The following SH3GLB1 variants were observed in gnomAD, a reference collection of about 807,000 sequenced individuals.
SH3GLB1 encodes SH3 domain containing GRB2 like, endophilin B1, also known as endophilin-B1.
Under a neutral mutation model 42.0 loss-of-function variants are expected in SH3GLB1, and 17 were observed. That is an observed-to-expected ratio of 0.40 (90% CI 0.28 to 0.61). The LOEUF (loss-of-function observed/expected upper bound fraction) is 0.61. Among genes scored for constraint, SH3GLB1 ranks in the 20% least tolerant of loss-of-function variants. SH3GLB1 has a pLI of 0.36. For synonymous variants in SH3GLB1, 132 were observed against 146.6 expected (o/e 0.90, Z 0.72); for missense variants, 355 against 426.3 (o/e 0.83, Z 1.47).
chr1:86,712,432 A>G (rs1354429051), intron 1 of SH3GLB1, among the ~76,000 whole-genome samples: 1 of 152,226 alleles, frequency 6.6e-6, no homozygotes, highest in African/African-American at 2.4e-5. Flanking sequence ...ACTCAAACAG[A>G]TGTGAGATTG....
intron 5 of SH3GLB1, among the ~76,000 whole-genome samples, chr1:86,732,843 A>C (rs1385761887): frequency 2.0e-5 from 3 of 152,132 alleles, no homozygotes; most frequent in Admixed American, 2.0e-4. Flanking sequence ...ACCTAGAAAT[A>C]ATGTCAGTTA....
At position 86,744,539 on chromosome 1, in the gene SH3GLB1, G is replaced by A. The variant is rs1394312528; in HGVS notation, c.*1304G>A. 1 of 152,164 alleles carries A rather than the reference G, an allele frequency of 6.6e-6. No homozygotes were observed. The highest frequency in any genetic ancestry group is 2.4e-5 in the African/African-American group (1 of 41,430). The allele number at this position is 152,164 out of a possible 1,614,324, so 9.4% of individuals were successfully genotyped here. ...CAGTTTTGGGAGTGAGAGAGGGTCT[G>A]GGGAAGAACTGTTCCAGATAAAAAG... On this transcript the variant is annotated 3_prime_UTR_variant, in exon 9 of 9. Transcript: ENST00000370558.
intron 4 of SH3GLB1, 63 bp downstream of exon 4, chr1:86,722,736 A>C (rs1339516402): frequency 7.2e-7 from 1 of 1,395,582 alleles, no homozygotes; most frequent in Non-Finnish European, 9.6e-7. Flanking sequence ...TTTTTAATGA[A>C]TAATTTGGCC....
At chr1:86,724,901 A>G (rs1313809017) in intron 5 of SH3GLB1, among the ~76,000 whole-genome samples, 1 of 131,414 alleles carries the variant, frequency 7.6e-6, no homozygotes, top group Non-Finnish European at 1.6e-5. Context: ...AAATATATAT[A>G]TATATATATA....
At position 86,704,656 on chromosome 1, in the gene SH3GLB1, T is replaced by C. The variant is rs1653703043; in HGVS notation, c.-244T>C. On this transcript the variant is annotated 5_prime_UTR_variant, in exon 1 of 9. Transcript: ENST00000370558. Reference sequence around the variant, plus strand: ...CGCCCGCGGGGCCCATCGTCGACGTTAGCGGCCGTTCTCCGAGCCGACTGA... The same window carrying C: ...CGCCCGCGGGGCCCATCGTCGACGTCAGCGGCCGTTCTCCGAGCCGACTGA... 2.7e-6 allele frequency: 1 copy of C among 364,632 alleles called. No individual in the cohort carries two copies. Among genetic ancestry groups the C allele is most frequent in the Non-Finnish European group, 5.0e-6 (1 of 199,240 alleles). The allele number at this position is 364,632 out of a possible 1,614,324, so 22.6% of individuals were successfully genotyped here.
chr1:86,729,942 G>C, intron 5 of SH3GLB1: 1 of 703,370 alleles, frequency 1.4e-6, no homozygotes, highest in South Asian at 2.2e-5. Context: ...TACCGATTTA[G>C]TTACTACTGT....
At chr1:86,716,003 G>C (rs1654505003) in intron 2 of SH3GLB1, 138 bp downstream of exon 2, 1 of 826,852 alleles carries the variant, frequency 1.2e-6, no homozygotes, top group South Asian at 1.9e-5. Flanking sequence ...TTTTGTGTGT[G>C]CTTTTGTGAA....
chr1:86,724,416 AG>A lies in SH3GLB1; in HGVS notation c.570+12del. On this transcript the variant is annotated intron_variant, in intron 5 of 8. Transcript: ENST00000370558. ...GAAACTAGAAATTCAGTAAGTAAAT[AG>A]AAAAATATTTTTGATTAATAACTTT... 6.4e-7 allele frequency: 1 copy of A among 1,556,348 alleles called. No individual in the cohort carries two copies. Among genetic ancestry groups the A allele is most frequent in the South Asian group, 1.2e-5 (1 of 83,204 alleles).
chr1:86,711,919 A>G (rs1654236233), intron 1 of SH3GLB1, among the ~76,000 whole-genome samples: 1 of 152,084 alleles, frequency 6.6e-6, no homozygotes, highest in African/African-American at 2.4e-5. Context: ...TAGTAATTTA[A>G]ATATTAATTT....
At chr1:86,734,580 T>C (rs1369847840) in intron 5 of SH3GLB1, 22 bp from the exon 6 acceptor site, 2 of 1,563,602 alleles carry the variant, frequency 1.3e-6, no homozygotes, top group African/African-American at 1.4e-5. Flanking sequence ...AAAGAGATTC[T>C]AAAACTATAT....
intron 4 of SH3GLB1, among the ~76,000 whole-genome samples, chr1:86,723,772 G>A (rs776269565): frequency 1.3e-5 from 2 of 152,182 alleles, no homozygotes; most frequent in East Asian, 3.9e-4. Context: ...AATCCTTGAG[G>A]TAGGACACCA....
At chr1:86,716,447 T>G (rs1259664841) in intron 2 of SH3GLB1, among the ~76,000 whole-genome samples, 5 of 152,118 alleles carry the variant, frequency 3.3e-5, no homozygotes, top group African/African-American at 9.6e-5. Context: ...GCTAATTTTT[T>G]TTTGTGTGTG....
intron 5 of SH3GLB1, among the ~76,000 whole-genome samples, chr1:86,724,884 A>G (rs796515440): frequency 9.6e-6 from 1 of 104,306 alleles, no homozygotes; most frequent in East Asian, 2.3e-4. Context: ...TAAAAAAAAA[A>G]AAAAAAAAAT....
chr1:86,722,692 C>A lies in SH3GLB1; in HGVS notation c.477+19C>A. Reference sequence around the variant, plus strand: ...AATTGCTGTGAGTTGAAAAATGTCCCCTTTATTTAGTAAAATCATTTAGAT... The same window carrying A: ...AATTGCTGTGAGTTGAAAAATGTCCACTTTATTTAGTAAAATCATTTAGAT... On this transcript the variant is annotated intron_variant, in intron 4 of 8. Coordinates refer to ENST00000370558, the MANE Select transcript of SH3GLB1 (RefSeq NM_016009.5). 2 of 1,570,872 alleles carry A rather than the reference C, an allele frequency of 1.3e-6. No individual in the cohort carries two copies. The highest frequency in any genetic ancestry group is 1.7e-6 in the Non-Finnish European group (2 of 1,160,910).
At chr1:86,724,217 T>A (rs1655029294) in intron 4 of SH3GLB1, 96 bp from the exon 5 acceptor site, 1 of 801,328 alleles carries the variant, frequency 1.2e-6, no homozygotes, top group East Asian at 2.9e-5. Flanking sequence ...TATCAAGTGA[T>A]ACATATGTTT....
Position 86,734,720 on chromosome 1 carries a change from T to TG in SH3GLB1, c.660+31dup, listed in dbSNP as rs760762904. 6.3e-6 allele frequency: 10 copies of TG among 1,575,640 alleles called. No individual in the cohort carries two copies. In the South Asian group the frequency reaches 1.1e-4, roughly 18 times the overall value. ...AGTATTCATTCATTGGAAATTCATT[T>TG]GGAACAAGACTTTGGTAGTCCTAAG... On this transcript the variant is annotated intron_variant, in intron 6 of 8. Coordinates refer to ENST00000370558, the MANE Select transcript of SH3GLB1 (RefSeq NM_016009.5).
intron 7 of SH3GLB1, 37 bp downstream of exon 7, chr1:86,735,216 T>A: frequency 7.0e-7 from 1 of 1,437,988 alleles, no homozygotes; most frequent in Non-Finnish European, 9.8e-7. Context: ...GAGGAGAAAT[T>A]CAGATTTTTG....
chr1:86,720,744 A>G (rs1654820345), intron 3 of SH3GLB1, among the ~76,000 whole-genome samples: 1 of 152,240 alleles, frequency 6.6e-6, no homozygotes, highest in Non-Finnish European at 1.5e-5. Context: ...CTAGGATTAA[A>G]TGAATTTTAA....
At chr1:86,714,567 C>G (rs72961606) in intron 1 of SH3GLB1, among the ~76,000 whole-genome samples, 2,766 of 152,216 alleles carry the variant, frequency 0.018, 41 homozygotes, top group African/African-American at 0.034. Context: ...TCTAGAGGAT[C>G]CTTCAGCTTA....
Sources: allele counts gnomAD v4.1 joint callset (sites outside exome capture counted in the v4.1 genomes callset), GRCh38; gene constraint gnomAD v4.1.1; transcripts MANE v1.5; gene names NCBI Gene and HGNC (gene_info 2026-07-23, HGNC 2026-07-21).